The following UVRAG variants were observed in gnomAD, a reference collection of about 807,000 sequenced individuals.
UVRAG encodes UV radiation resistance-associated gene protein.
In UVRAG, 19 loss-of-function variants were observed where a neutral mutation model predicts 78.0. The ratio of observed to expected loss-of-function variants is 0.24; its 90% CI spans 0.17 to 0.36. The LOEUF (loss-of-function observed/expected upper bound fraction) is 0.36, where lower values mean the gene tolerates loss of function less well. Among genes scored for constraint, UVRAG ranks in the 10% least tolerant of loss-of-function variants. UVRAG has a pLI of 1.00. For synonymous variants in UVRAG, 323 were observed against 324.6 expected (o/e 1.00, Z 0.05); for missense variants, 740 against 853.8 (o/e 0.87, Z 1.66).
chr11:76,076,141 A>T (rs187030736), intron 13 of UVRAG, among the ~76,000 whole-genome samples: 1 of 152,284 alleles, frequency 6.6e-6, no homozygotes, highest in Admixed American at 6.5e-5. Context: ...TATGGTAGCT[A>T]TGTTTAAATT....
chr11:75,971,628 A>G (rs1467025690), intron 7 of UVRAG, among the ~76,000 whole-genome samples: 1 of 151,742 alleles, frequency 6.6e-6, no homozygotes, highest in Non-Finnish European at 1.5e-5. Context: ...CCATCTATAT[A>G]TCTTCTTTGA....
At chr11:76,074,424 T>C (rs1203748638) in intron 13 of UVRAG, among the ~76,000 whole-genome samples, 1 of 152,258 alleles carries the variant, frequency 6.6e-6, no homozygotes, top group Non-Finnish European at 1.5e-5. Context: ...GGATTCTTCC[T>C]TGTTGCTTTT....
chr11:75,988,959 T>A (rs1949552689), intron 8 of UVRAG, among the ~76,000 whole-genome samples: 1 of 152,248 alleles, frequency 6.6e-6, no homozygotes, highest in Admixed American at 6.5e-5. Context: ...GAGTTCTTTT[T>A]ATATTCTGGA....
chr11:76,059,895 C>T lies in UVRAG; in HGVS notation c.1227-5815C>T, dbSNP rs1052300357. On this transcript the variant is annotated intron_variant, in intron 12 of 14. Transcript: ENST00000356136. Reference sequence around the variant, plus strand: ...CATGTTGTCACATTTTCTATAAATACGAATGGCAGAAGTAATCTTAATATG... The same window carrying T: ...CATGTTGTCACATTTTCTATAAATATGAATGGCAGAAGTAATCTTAATATG... Among the ~76,000 whole-genome samples, 11 of 152,250 alleles carry T rather than the reference C, an allele frequency of 7.2e-5. No individual in the cohort carries two copies. In the East Asian group the frequency reaches 1.5e-3, roughly 21 times the overall value.
At chr11:75,922,524 A>T (rs986158642) in intron 6 of UVRAG, among the ~76,000 whole-genome samples, 2 of 152,188 alleles carry the variant, frequency 1.3e-5, no homozygotes, top group African/African-American at 4.8e-5. Flanking sequence ...TTCTAGACTT[A>T]CTGCATTTGC....
intron 12 of UVRAG, among the ~76,000 whole-genome samples, chr11:76,045,825 G>A (rs1010869313): frequency 8.6e-5 from 13 of 151,672 alleles, no homozygotes; most frequent in African/African-American, 2.9e-4. Context: ...AACAGAAAAG[G>A]GAAGGTAGGA....
chr11:76,097,119 A>G (rs1260886128), intron 13 of UVRAG, among the ~76,000 whole-genome samples: 2 of 152,124 alleles, frequency 1.3e-5, no homozygotes, highest in Non-Finnish European at 2.9e-5. Flanking sequence ...TCTCCAGAAC[A>G]TTGCGTTTCC....
chr11:76,079,654 T>C (rs928593331), intron 13 of UVRAG, among the ~76,000 whole-genome samples: 1 of 152,214 alleles, frequency 6.6e-6, no homozygotes, highest in Non-Finnish European at 1.5e-5. Flanking sequence ...CTTACATTTA[T>C]GTAGTGCCTT....
At chr11:75,834,232 G>A (rs1945726851) in intron 1 of UVRAG, among the ~76,000 whole-genome samples, 1 of 151,728 alleles carries the variant, frequency 6.6e-6, no homozygotes, top group South Asian at 2.1e-4. Flanking sequence ...AATGTCACTA[G>A]CATAATACAG....
At chr11:75,930,199 T>G (rs771675114) in intron 6 of UVRAG, among the ~76,000 whole-genome samples, 31 of 152,218 alleles carry the variant, frequency 2.0e-4, no homozygotes, top group East Asian at 1.9e-4. Flanking sequence ...TGTCTAAGAT[T>G]GTACACTACT....
At chr11:76,108,952 G>A (rs183100665) in intron 13 of UVRAG, among the ~76,000 whole-genome samples, 1 of 152,252 alleles carries the variant, frequency 6.6e-6, no homozygotes, top group African/African-American at 2.4e-5. Flanking sequence ...CCCCCATGGA[G>A]TCCTAAATCA....
intron 12 of UVRAG, among the ~76,000 whole-genome samples, chr11:76,056,198 C>G (rs2134361370): frequency 6.6e-6 from 1 of 152,326 alleles, no homozygotes; most frequent in Non-Finnish European, 1.5e-5. Flanking sequence ...GCAGTATGAA[C>G]TTCTTTACAT....
intron 13 of UVRAG, among the ~76,000 whole-genome samples, chr11:76,093,017 G>C (rs1215344398): frequency 6.6e-6 from 1 of 152,152 alleles, no homozygotes; most frequent in African/African-American, 2.4e-5. Context: ...TTTGTATAAG[G>C]TGTAAGGAAG....
At chr11:75,926,465 C>A (rs2135087545) in intron 6 of UVRAG, among the ~76,000 whole-genome samples, 1 of 152,114 alleles carries the variant, frequency 6.6e-6, no homozygotes, top group East Asian at 1.9e-4. Context: ...TAAATTTGAA[C>A]ATGGGAGGAA....
At chr11:75,982,402 A>G (rs531283032) in intron 7 of UVRAG, among the ~76,000 whole-genome samples, 161 of 152,308 alleles carry the variant, frequency 1.1e-3, no homozygotes, top group African/African-American at 3.7e-3. Context: ...TTCTCCCCAC[A>G]TATCTTCCAC....
intron 5 of UVRAG, among the ~76,000 whole-genome samples, chr11:75,893,198 A>G (rs956782338): frequency 1.3e-5 from 2 of 151,998 alleles, no homozygotes; most frequent in African/African-American, 4.8e-5. Flanking sequence ...GAAAAAAAGA[A>G]GAATTATTCC....
intron 14 of UVRAG, among the ~76,000 whole-genome samples, chr11:76,134,371 C>T (rs1486255692): frequency 6.6e-6 from 1 of 151,694 alleles, no homozygotes; most frequent in Non-Finnish European, 1.5e-5. Context: ...TCCAGTGATC[C>T]TCCCACCTCA....
At chr11:75,888,046 G>T (rs1947130088) in intron 4 of UVRAG, among the ~76,000 whole-genome samples, 1 of 152,194 alleles carries the variant, frequency 6.6e-6, no homozygotes, top group Admixed American at 6.5e-5. Context: ...AGACATTTAA[G>T]ACTTTAGGGA....
intron 13 of UVRAG, among the ~76,000 whole-genome samples, chr11:76,112,134 C>T (rs1437315288): frequency 6.6e-6 from 1 of 151,982 alleles, no homozygotes; most frequent in Non-Finnish European, 1.5e-5. Flanking sequence ...GAAATGAAGG[C>T]TTATCACTAT....
Sources: gnomAD v4.1 joint callset for allele counts (sites outside exome capture counted in the v4.1 genomes callset) on GRCh38, gnomAD v4.1.1 for gene constraint, MANE v1.5 for transcripts, NCBI Gene and HGNC (gene_info 2026-07-23, HGNC 2026-07-21) for gene names.